Variants in GAS2 observed in about 807,000 individuals in gnomAD.
The protein encoded by GAS2 is growth arrest specific 2.
Under a neutral mutation model 37.5 loss-of-function variants are expected in GAS2, and 20 were observed. The observed-to-expected ratio is 0.53, with a 90% CI of 0.37 to 0.77. GAS2 has a LOEUF of 0.77. GAS2 is among the 30% of genes least tolerant of loss of function. The pLI is 0.00. For synonymous variants in GAS2, 144 were observed against 132.2 expected, an observed-to-expected ratio of 1.09 and a Z score of -0.61; for missense variants, 336 against 373.4, an observed-to-expected ratio of 0.90 and a Z score of 0.82.
intron 7 of GAS2, among the ~76,000 whole-genome samples, chr11:22,758,844 C>T (rs750460640): frequency 1.5e-5 from 2 of 131,216 alleles, no homozygotes; most frequent in Non-Finnish European, 3.1e-5. Flanking sequence ...ACCCAGGAGG[C>T]GGAGGTTGTG....
At chr11:22,646,961 G>A (rs1250971928) in intron 1 of GAS2, among the ~76,000 whole-genome samples, 1 of 147,418 alleles carries the variant, frequency 6.8e-6, no homozygotes, top group Non-Finnish European at 1.5e-5. Context: ...TAGGGTACAT[G>A]TGCACAATGT....
intron 3 of GAS2, among the ~76,000 whole-genome samples, chr11:22,701,122 T>C (rs1208214816): frequency 6.6e-6 from 1 of 152,196 alleles, no homozygotes; most frequent in East Asian, 1.9e-4. Flanking sequence ...ATCAGAATTC[T>C]AGTACTTAGG....
chr11:22,734,526 T>G (rs1852648346), intron 4 of GAS2, among the ~76,000 whole-genome samples: 1 of 151,688 alleles, frequency 6.6e-6, no homozygotes, highest in African/African-American at 2.4e-5. Flanking sequence ...TGACACATTA[T>G]GATGCACAAA....
intron 3 of GAS2, among the ~76,000 whole-genome samples, chr11:22,698,924 AT>A (rs1307096263): frequency 6.6e-6 from 1 of 152,104 alleles, no homozygotes; most frequent in Non-Finnish European, 1.5e-5. Context: ...AAAGTTATTA[AT>A]TTCTTGTGCT....
At chr11:22,633,278 A>G (rs184320033) in intron 1 of GAS2, among the ~76,000 whole-genome samples, 37 of 152,040 alleles carry the variant, frequency 2.4e-4, no homozygotes, top group Non-Finnish European at 4.4e-4. Flanking sequence ...TAATGTTTAT[A>G]GTTTATTTTA....
rs543896267 is a variant in GAS2 at position 22,783,926 on chromosome 11, G to A, written c.724-27872G>A. Among the ~76,000 whole-genome samples the A allele has an allele frequency of 6.6e-5, 10 of 152,130 alleles. No individual in the cohort carries two copies. The East Asian group carries it at 9.7e-4, about 15-fold the overall frequency. On this transcript the variant is annotated intron_variant, in intron 7 of 7. Transcript: ENST00000454584. The stretch of plus-strand genomic sequence containing the variant: ...GTCTTTTCCCCATTGCTTACTTTTG[G>A]CAAGTTTGTCAAAGATCAGTTGATT...
chr11:22,698,981 T>A (rs1186024564), intron 3 of GAS2, among the ~76,000 whole-genome samples: 2 of 152,192 alleles, frequency 1.3e-5, no homozygotes, highest in African/African-American at 4.8e-5. Context: ...TTATTTTGTG[T>A]TTATAATTCT....
chr11:22,719,896 C>T (rs1851867024), intron 3 of GAS2, among the ~76,000 whole-genome samples: 1 of 152,038 alleles, frequency 6.6e-6, no homozygotes, highest in African/African-American at 2.4e-5. Context: ...ACGAACAGAA[C>T]TGCTATAAGC....
At chr11:22,639,239 C>T (rs1359476993) in intron 1 of GAS2, among the ~76,000 whole-genome samples, 1 of 152,160 alleles carries the variant, frequency 6.6e-6, no homozygotes, top group Non-Finnish European at 1.5e-5. Flanking sequence ...TATTAAGTCA[C>T]ACAGGCTTTG....
chr11:22,650,112 G>A (rs1848755679), intron 1 of GAS2, among the ~76,000 whole-genome samples: 1 of 151,764 alleles, frequency 6.6e-6, no homozygotes, highest in Non-Finnish European at 1.5e-5. Context: ...ATTCTGGTAT[G>A]TTGTGTCTTT....
At chr11:22,651,981 G>A (rs974868479) in intron 1 of GAS2, among the ~76,000 whole-genome samples, 8 of 152,210 alleles carry the variant, frequency 5.3e-5, no homozygotes, top group African/African-American at 1.9e-4. Context: ...TTCCTTTGGA[G>A]GAGGAGAGGT....
At chr11:22,648,281 A>G (rs1008548351) in intron 1 of GAS2, among the ~76,000 whole-genome samples, 4 of 151,976 alleles carry the variant, frequency 2.6e-5, no homozygotes, top group African/African-American at 9.7e-5. Context: ...CCATTGATCT[A>G]TATCTCTGTT....
In GAS2 at chr11:22,737,649, G is replaced by A. The variant is rs113652439; in HGVS notation, c.410-56G>A. 41 of 1,528,460 alleles carry A rather than the reference G, an allele frequency of 2.7e-5. No homozygotes were observed. The African/African-American group carries it at 3.3e-4, about 12-fold the overall frequency. 94.7% of individuals were successfully genotyped at this position (1,528,460 alleles called of 1,614,324 possible). A position where few individuals can be genotyped will look rare whatever the true frequency, so the allele number is the denominator to read the frequency against. On this transcript the variant is annotated intron_variant, in intron 4 of 7. Transcript: ENST00000454584. ...TGAGGGTCATTGGCAAGCCTGTGCT[G>A]TTGAGCTGCTTATTCCTTCTATTGT...
chr11:22,628,537 T>C (rs1430921196), intron 1 of GAS2, among the ~76,000 whole-genome samples: 4 of 152,214 alleles, frequency 2.6e-5, no homozygotes, highest in African/African-American at 9.7e-5. Context: ...ATTTTATTTT[T>C]ATTTATTTAT....
intron 3 of GAS2, among the ~76,000 whole-genome samples, chr11:22,704,371 G>A (rs1012247355): frequency 3.3e-5 from 5 of 151,646 alleles, no homozygotes; most frequent in African/African-American, 4.8e-5. Context: ...TAATGTGCTT[G>A]TATTTTAAAA....
At chr11:22,648,401 A>G (rs1848730462) in intron 1 of GAS2, among the ~76,000 whole-genome samples, 1 of 152,156 alleles carries the variant, frequency 6.6e-6, no homozygotes. Flanking sequence ...TGACTTGGTG[A>G]TGCGGGCTCT....
intron 7 of GAS2, among the ~76,000 whole-genome samples, chr11:22,770,671 T>C (rs1854932429): frequency 6.6e-6 from 1 of 152,224 alleles, no homozygotes; most frequent in Non-Finnish European, 1.5e-5. Flanking sequence ...AACATACATA[T>C]TTTAAACTGC....
At chr11:22,655,510 A>C (rs1356830051) in intron 1 of GAS2, among the ~76,000 whole-genome samples, 2 of 152,236 alleles carry the variant, frequency 1.3e-5, no homozygotes, top group Non-Finnish European at 2.9e-5. Context: ...CTGATTCAAA[A>C]ATTTGATCCA....
chr11:22,718,794 G>C (rs567221329), intron 3 of GAS2, among the ~76,000 whole-genome samples: 2 of 151,992 alleles, frequency 1.3e-5, no homozygotes, highest in African/African-American at 4.8e-5. Flanking sequence ...GATTTTTGGA[G>C]GTTTTAAGAA....
Sources: gnomAD v4.1 joint callset for allele counts (sites outside exome capture counted in the v4.1 genomes callset) on GRCh38, gnomAD v4.1.1 for gene constraint, MANE v1.5 for transcripts, NCBI Gene and HGNC (gene_info 2026-07-23, HGNC 2026-07-21) for gene names.